The following LIMS1 variants were observed in gnomAD, a reference collection of about 807,000 sequenced individuals.
The protein encoded by LIMS1 is LIM and senescent cell antigen-like-containing domain protein 1.
In LIMS1, 18 loss-of-function variants were observed where a neutral mutation model predicts 44.1. The observed-to-expected ratio is 0.41, with a 90% CI of 0.28 to 0.61. The LOEUF (loss-of-function observed/expected upper bound fraction) is 0.61. Ranked by LOEUF, LIMS1 falls within the 20% of genes least tolerant of loss-of-function variation. The pLI is 0.32. For missense variants in LIMS1, 201 were observed against 422.0 expected, an observed-to-expected ratio of 0.48 and a Z score of 4.59; for synonymous variants, 93 against 149.1, an observed-to-expected ratio of 0.62 and a Z score of 2.74.
chr2:108,686,079 C>A (rs546780754), exon 10 of LIMS1: 39 of 152,332 alleles, frequency 2.6e-4, no homozygotes, highest in African/African-American at 7.9e-4. Context: ...GTAATCCCAG[C>A]ACTTTGGGAG....
At chr2:108,583,134 G>GT (rs966908615) in intron 1 of LIMS1, among the ~76,000 whole-genome samples, 1 of 151,836 alleles carries the variant, frequency 6.6e-6, no homozygotes, top group Admixed American at 6.6e-5. Flanking sequence ...TGCCTCCCGA[G>GT]TTCAAGCAAT....
chr2:108,592,229 G>A (rs1686442299), intron 1 of LIMS1, among the ~76,000 whole-genome samples: 1 of 152,146 alleles, frequency 6.6e-6, no homozygotes, highest in South Asian at 2.1e-4. Context: ...CTCTGAGTCG[G>A]TGTGTCACTT....
At chr2:108,657,489 C>T (rs1422622795) in intron 1 of LIMS1, among the ~76,000 whole-genome samples, 10 of 152,284 alleles carry the variant, frequency 6.6e-5, no homozygotes, top group African/African-American at 2.2e-4. Context: ...TGGAGCTTAC[C>T]GTGCTCCTTC....
At chr2:108,671,836 A>T (rs1462046891) in intron 3 of LIMS1, among the ~76,000 whole-genome samples, 1 of 152,188 alleles carries the variant, frequency 6.6e-6, no homozygotes, top group South Asian at 2.1e-4. Context: ...AAAAATTCAG[A>T]TGAAATAAAA....
intron 1 of LIMS1, among the ~76,000 whole-genome samples, chr2:108,631,971 C>T (rs971497222): frequency 3.3e-5 from 5 of 152,064 alleles, no homozygotes; most frequent in African/African-American, 1.2e-4. Context: ...TAGGTACTTT[C>T]GTGTTTGTTT....
intron 1 of LIMS1, among the ~76,000 whole-genome samples, chr2:108,611,194 T>C (rs925639579): frequency 2.6e-5 from 4 of 152,224 alleles, no homozygotes; most frequent in African/African-American, 9.6e-5. Flanking sequence ...AAGTTACACT[T>C]TCTATGTCTT....
chr2:108,534,537 A>G, exon 1 of LIMS1: 2 of 1,208,364 alleles, frequency 1.7e-6, no homozygotes, highest in Non-Finnish European at 2.1e-6. Context: ...AGGGGCTGAG[A>G]GACGGCGGCG....
chr2:108,552,585 GGT>G (rs151262934), intron 1 of LIMS1, among the ~76,000 whole-genome samples: 42 of 101,822 alleles, frequency 4.1e-4, no homozygotes, highest in East Asian at 7.8e-4. Flanking sequence ...ATATATTTTG[GGT>G]GTGTGTGTGT....
At chr2:108,674,120 G>A (rs1287892407) in intron 5 of LIMS1, among the ~76,000 whole-genome samples, 2 of 151,860 alleles carry the variant, frequency 1.3e-5, no homozygotes, top group African/African-American at 4.8e-5. Flanking sequence ...GAGGTCAGGA[G>A]ATCAAGACCA....
intron 2 of LIMS1, among the ~76,000 whole-genome samples, chr2:108,665,671 C>T (rs371273777): frequency 1.6e-4 from 25 of 152,074 alleles, no homozygotes; most frequent in African/African-American, 5.1e-4. Flanking sequence ...GGAATCCAGG[C>T]GCATGCCACC....
At chr2:108,630,790 G>A (rs980506025) in intron 1 of LIMS1, among the ~76,000 whole-genome samples, 1 of 152,160 alleles carries the variant, frequency 6.6e-6, no homozygotes, top group African/African-American at 2.4e-5. Context: ...TCTAGCATGA[G>A]TAATTTGGAG....
At chr2:108,658,856 T>C (rs546442857) in intron 1 of LIMS1, among the ~76,000 whole-genome samples, 55 of 152,340 alleles carry the variant, frequency 3.6e-4, no homozygotes, top group African/African-American at 1.3e-3. Context: ...TCTGTTTTGA[T>C]TGACAGTGTG....
intron 1 of LIMS1, chr2:108,621,464 G>A (rs764064239): frequency 4.0e-5 from 62 of 1,548,306 alleles, no homozygotes; most frequent in Non-Finnish European, 4.5e-5. Flanking sequence ...GAGCTAAGGT[G>A]AGTGCAAAGT....
Position 108,545,320 on chromosome 2 carries a change from G to A in LIMS1, c.32+10726G>A, listed in dbSNP as rs1231082716. Among the ~76,000 whole-genome samples the A allele has an allele frequency of 5.3e-5, 8 of 152,070 alleles. No homozygotes were observed. The South Asian group carries it at 8.3e-4, about 16-fold the overall frequency. Reference sequence around the variant, plus strand: ...TTGATGTCGGCTCACTGCAACCTCCGCCTCCCGGGTTCAAGGGATTCTCCT... The same window carrying A: ...TTGATGTCGGCTCACTGCAACCTCCACCTCCCGGGTTCAAGGGATTCTCCT... On this transcript the variant is annotated intron_variant, in intron 1 of 9. Transcript: ENST00000544547.
At chr2:108,612,673 G>A (rs980666819) in intron 1 of LIMS1, among the ~76,000 whole-genome samples, 3 of 152,056 alleles carry the variant, frequency 2.0e-5, no homozygotes, top group Non-Finnish European at 2.9e-5. Context: ...ATATGAGTGG[G>A]GACTGCACCT....
chr2:108,682,369 G>A (rs1446122661), intron 9 of LIMS1, among the ~76,000 whole-genome samples: 5 of 152,062 alleles, frequency 3.3e-5, no homozygotes, highest in East Asian at 1.9e-4. Context: ...GCATGGTGGC[G>A]GGTGCCTGTA....
chr2:108,624,299 T>C (rs1049353387), intron 1 of LIMS1, among the ~76,000 whole-genome samples: 13 of 152,250 alleles, frequency 8.5e-5, no homozygotes, highest in Non-Finnish European at 1.2e-4. Context: ...AACATAGTTG[T>C]TTTTTGACAA....
Position 108,660,185 on chromosome 2 carries a change from G to C in LIMS1, c.192+421G>C, listed in dbSNP as rs148302027. 939 of 480,574 alleles carry C rather than the reference G, an allele frequency of 2.0e-3. 1 individual carries two copies. Among genetic ancestry groups the C allele is most frequent in the African/African-American group, 0.012 (603 of 50,492 alleles). The allele number at this position is 480,574 out of a possible 1,614,324, so 29.8% of individuals were successfully genotyped here. On this transcript the variant is annotated intron_variant, in intron 2 of 9. Transcript: ENST00000544547. ...CTGGACCTGCTCTAAAGGAGAGCGT[G>C]TGGTGTACGTCACCCCCTCCACAAC...
At chr2:108,552,110 CTATA>C (rs992079693) in intron 1 of LIMS1, among the ~76,000 whole-genome samples, 16 of 144,072 alleles carry the variant, frequency 1.1e-4, no homozygotes, top group African/African-American at 4.1e-4. Flanking sequence ...AGAGAGTTAA[CTATA>C]TATTATATAT....
Sources: gnomAD v4.1 joint callset for allele counts (sites outside exome capture counted in the v4.1 genomes callset) on GRCh38, gnomAD v4.1.1 for gene constraint, MANE v1.5 for transcripts, NCBI Gene and HGNC (gene_info 2026-07-23, HGNC 2026-07-21) for gene names.